The following TRAF5 variants were observed in gnomAD, a reference collection of about 807,000 sequenced individuals.
The protein encoded by TRAF5 is TNF receptor associated factor 5.
Under a neutral mutation model 64.5 loss-of-function variants are expected in TRAF5, and 48 were observed. The ratio of observed to expected loss-of-function variants is 0.74; its 90% CI spans 0.59 to 0.95. TRAF5 has a LOEUF of 0.95. TRAF5 is among the 40% of genes least tolerant of loss of function. The pLI is 0.00. For synonymous variants in TRAF5, 206 were observed against 240.5 expected, an observed-to-expected ratio of 0.86 and a Z score of 1.33; for missense variants, 545 against 662.8, an observed-to-expected ratio of 0.82 and a Z score of 1.95.
intron 1 of TRAF5, among the ~76,000 whole-genome samples, chr1:211,348,875 A>G (rs1030762310): frequency 6.6e-5 from 10 of 151,900 alleles, no homozygotes; most frequent in African/African-American, 2.2e-4. Context: ...TGTCCATCCT[A>G]TGGATCTTTG....
Position 211,373,010 on chromosome 1 carries a change from C to A in TRAF5, c.*308C>A. 4.7e-6 allele frequency: 1 copy of A among 213,806 alleles called. No homozygotes were observed. Among genetic ancestry groups the A allele is most frequent in the Non-Finnish European group, 9.3e-6 (1 of 107,830 alleles). 13.2% of individuals were successfully genotyped at this position (213,806 alleles called of 1,614,324 possible). Reference sequence around the variant, plus strand: ...CTGGTGCTTAGCGCAGTGTCTCGGGCACTCTAAATATTGAGTGTTATGGAG... The same window carrying A: ...CTGGTGCTTAGCGCAGTGTCTCGGGAACTCTAAATATTGAGTGTTATGGAG... On this transcript the variant is annotated 3_prime_UTR_variant, in exon 11 of 11. Coordinates refer to ENST00000261464, the MANE Select transcript of TRAF5 (RefSeq NM_001033910.3).
intron 5 of TRAF5, 48 bp downstream of exon 5, chr1:211,360,124 C>T (rs1194998241): frequency 6.4e-7 from 1 of 1,560,170 alleles, no homozygotes; most frequent in Non-Finnish European, 8.8e-7. Flanking sequence ...CTAAATTATG[C>T]CTGAGTGGTC....
intron 3 of TRAF5, 61 bp downstream of exon 3, chr1:211,354,528 T>C (rs2102745625): frequency 6.4e-7 from 1 of 1,553,080 alleles, no homozygotes; most frequent in African/African-American, 1.4e-5. Flanking sequence ...AGTCAGTGAA[T>C]TGGACATTGA....
At chr1:211,366,683 G>T (rs779350462) in intron 8 of TRAF5, among the ~76,000 whole-genome samples, 29 of 152,130 alleles carry the variant, frequency 1.9e-4, no homozygotes, top group Non-Finnish European at 3.8e-4. Context: ...ACTGAAGCAG[G>T]GAGGCATAAG....
At chr1:211,368,750 A>G (rs1703433251) in intron 8 of TRAF5, among the ~76,000 whole-genome samples, 1 of 152,212 alleles carries the variant, frequency 6.6e-6, no homozygotes, top group African/African-American at 2.4e-5. Context: ...AAATCTGTCA[A>G]TATGCTACCC....
intron 7 of TRAF5, among the ~76,000 whole-genome samples, chr1:211,365,090 T>A (rs1461385594): frequency 6.6e-6 from 1 of 151,924 alleles, no homozygotes; most frequent in Non-Finnish European, 1.5e-5. Flanking sequence ...CAAGAATCGC[T>A]TGAACCCGAG....
intron 2 of TRAF5, 148 bp from the exon 3 acceptor site, chr1:211,354,262 G>A: frequency 1.5e-6 from 1 of 652,906 alleles, no homozygotes; most frequent in Non-Finnish European, 2.7e-6. Flanking sequence ...AGGGGTACAG[G>A]AGGCCCCTTC....
intron 1 of TRAF5, among the ~76,000 whole-genome samples, chr1:211,332,373 G>A (rs149630587): frequency 2.2e-3 from 330 of 152,348 alleles, no homozygotes; most frequent in African/African-American, 7.6e-3. Flanking sequence ...CCACCACCCA[G>A]AGCCCTTTCT....
In TRAF5 at chr1:211,371,375, A is replaced by C; in HGVS notation, c.1004A>C (p.Gln335Pro). ...CATCAATTATTACAAATGGTTAACC[A>C]GCAACAAAATAAATTTGACCTGAGA... Reference protein sequence around the residue: ...QVHQLLQMVNQQQNKFDLRPL... With the variant: ...QVHQLLQMVNPQQNKFDLRPL... Residue 335 changes from glutamine to proline, a missense_variant, in exon 10 of 11, where the codon CAG becomes CCG. Gln to Pro is a moderately conservative substitution (Grantham distance 76, BLOSUM62 -1). Coordinates refer to ENST00000261464, the MANE Select transcript of TRAF5 (RefSeq NM_001033910.3). 6.2e-7 allele frequency: 1 copy of C among 1,612,186 alleles called. No homozygotes were observed. Among genetic ancestry groups the C allele is most frequent in the Non-Finnish European group, 8.5e-7 (1 of 1,179,734 alleles).
chr1:211,327,656 A>G (rs115393564), intron 1 of TRAF5, among the ~76,000 whole-genome samples: 11 of 152,176 alleles, frequency 7.2e-5, no homozygotes, highest in Non-Finnish European at 1.2e-4. Flanking sequence ...TGCGGGTCCC[A>G]CTGGGCCACT....
intron 4 of TRAF5, 35 bp downstream of exon 4, chr1:211,356,503 C>T (rs1702973020): frequency 6.3e-7 from 1 of 1,590,524 alleles, no homozygotes; most frequent in Non-Finnish European, 8.6e-7. Flanking sequence ...CTGCTTTTGC[C>T]ATTTTTCCAG....
Position 211,372,789 on chromosome 1 carries a change from A to C in TRAF5, c.*87A>C, listed in dbSNP as rs1016670540. On this transcript the variant is annotated 3_prime_UTR_variant, in exon 11 of 11. Coordinates refer to ENST00000261464, the MANE Select transcript of TRAF5 (RefSeq NM_001033910.3). Reference sequence around the variant, plus strand: ...GATTATCATATTGACCTGGATTTAGACTCAAAGCACATTTGTATTTGCCTT... The same window carrying C: ...GATTATCATATTGACCTGGATTTAGCCTCAAAGCACATTTGTATTTGCCTT... 31 of 1,214,712 alleles carry C rather than the reference A, an allele frequency of 2.6e-5. 1 individual carries two copies. In the South Asian group the frequency reaches 3.3e-4, roughly 13 times the overall value. 75.2% of individuals were successfully genotyped at this position (1,214,712 alleles called of 1,614,324 possible).
Position 211,361,078 on chromosome 1 carries a change from C to G in TRAF5, c.622-10C>G. 6.2e-7 allele frequency: 1 copy of G among 1,613,488 alleles called. No individual in the cohort carries two copies. Among genetic ancestry groups the G allele is most frequent in the Non-Finnish European group, 8.5e-7 (1 of 1,179,470 alleles). On this transcript the variant is annotated splice_polypyrimidine_tract_variant and intron_variant, in intron 6 of 10. Coordinates refer to ENST00000261464, the MANE Select transcript of TRAF5 (RefSeq NM_001033910.3). ...TGAATTTCTATAGCTTGTGACTATC[C>G]ATTTCGTAGGTAGATGAACACCTGG...
Position 211,353,283 on chromosome 1 carries a change from T to A in TRAF5, c.44T>A (p.Ile15Asn), listed in dbSNP as rs192648296. The change falls in exon 2 of 11, where the codon ATC becomes AAC. Residue 15 changes from isoleucine (I) to asparagine (N), a missense_variant. Transcript: ENST00000261464. ...EEHKGMPCGFIRQNSGNSISL... is the reference protein window; with the variant it reads ...EEHKGMPCGFNRQNSGNSISL... ...CATAAAGGTATGCCCTGTGGTTTCATCCGCCAGAATTCCGGCAACTCCATT... is the reference window on the plus strand; with the variant it reads ...CATAAAGGTATGCCCTGTGGTTTCAACCGCCAGAATTCCGGCAACTCCATT... 2.0e-5 allele frequency: 32 copies of A among 1,614,230 alleles called. 2 individuals are homozygous for A. The Middle Eastern group carries it at 4.9e-4, about 25-fold the overall frequency.
At chr1:211,369,854 G>A (rs1206527556) in intron 9 of TRAF5, among the ~76,000 whole-genome samples, 1 of 152,118 alleles carries the variant, frequency 6.6e-6, no homozygotes, top group African/African-American at 2.4e-5. Flanking sequence ...GCATGTGTGT[G>A]CACGTGCTCT....
chr1:211,361,279 A>C, intron 7 of TRAF5, 117 bp downstream of exon 7: 1 of 872,614 alleles, frequency 1.1e-6, no homozygotes, highest in Non-Finnish European at 1.8e-6. Context: ...TGAGAAATTT[A>C]AGGCTAATTA....
rs1000282282 is a variant in TRAF5 at position 211,374,230 on chromosome 1, C to T, written c.*1528C>T. The stretch of plus-strand genomic sequence containing the variant: ...CTCTTGATAAGCCTGAGTTTAACAA[C>T]AACAAAAATGCCAAGTTGTCCTGAG... On this transcript the variant is annotated 3_prime_UTR_variant, in exon 11 of 11. Coordinates refer to ENST00000261464, the MANE Select transcript of TRAF5 (RefSeq NM_001033910.3). The T allele has an allele frequency of 6.6e-6, 1 of 152,598 alleles. No individual in the cohort carries two copies. Among genetic ancestry groups the T allele is most frequent in the Non-Finnish European group, 1.5e-5 (1 of 68,068 alleles). 9.5% of individuals were successfully genotyped at this position (152,598 alleles called of 1,614,324 possible). A position where few individuals can be genotyped will look rare whatever the true frequency, so the allele number is the denominator to read the frequency against.
intron 8 of TRAF5, among the ~76,000 whole-genome samples, chr1:211,366,770 T>G (rs1703368648): frequency 6.6e-6 from 1 of 152,224 alleles, no homozygotes; most frequent in East Asian, 1.9e-4. Context: ...GGCTAGAGAC[T>G]GGTGTGTTGG....
intron 1 of TRAF5, among the ~76,000 whole-genome samples, chr1:211,335,820 G>A (rs1702274788): frequency 2.0e-5 from 3 of 152,182 alleles, no homozygotes; most frequent in African/African-American, 7.2e-5. Flanking sequence ...AAAAGACCAG[G>A]AATCCAGGAG....
Sources: gnomAD v4.1 joint callset for allele counts (sites outside exome capture counted in the v4.1 genomes callset) on GRCh38, gnomAD v4.1.1 for gene constraint, MANE v1.5 for transcripts, NCBI Gene and HGNC (gene_info 2026-07-23, HGNC 2026-07-21) for gene names.